PARD3: variants seen among roughly 807,000 people sequenced by gnomAD.
PARD3 encodes the protein par-3 family cell polarity regulator.
PARD3 carries 75 observed loss-of-function variants against 155.4 expected under a neutral mutation model. The observed-to-expected ratio is 0.48, with a 90% CI of 0.40 to 0.58. The LOEUF (loss-of-function observed/expected upper bound fraction) is 0.58, where lower values mean the gene tolerates loss of function less well. PARD3 is among the 20% of genes least tolerant of loss of function. The pLI, the probability that PARD3 is intolerant of heterozygous loss-of-function variation, is 0.00. For missense variants in PARD3, 1,642 were observed against 1,721.7 expected, an observed-to-expected ratio of 0.95 and a Z score of 0.82; for synonymous variants, 576 against 610.5, an observed-to-expected ratio of 0.94 and a Z score of 0.83.
intron 4 of PARD3, among the ~76,000 whole-genome samples, chr10:34,464,285 C>G (rs1232144986): frequency 1.3e-5 from 2 of 152,048 alleles, no homozygotes; most frequent in African/African-American, 2.4e-5. Flanking sequence ...AACCTTTAAG[C>G]TATCTAGTAA....
chr10:34,641,189 C>T (rs1002125849), intron 2 of PARD3, among the ~76,000 whole-genome samples: 2 of 152,172 alleles, frequency 1.3e-5, no homozygotes, highest in Non-Finnish European at 2.9e-5. Context: ...CACGAACACA[C>T]TTTATTTTAT....
At chr10:34,262,614 A>G (rs1955084213) in intron 22 of PARD3, among the ~76,000 whole-genome samples, 1 of 152,212 alleles carries the variant, frequency 6.6e-6, no homozygotes, top group South Asian at 2.1e-4. Flanking sequence ...CCTCTAAGAT[A>G]TAACTTGATG....
At chr10:34,521,239 T>C (rs2082126064) in intron 2 of PARD3, among the ~76,000 whole-genome samples, 1 of 152,104 alleles carries the variant, frequency 6.6e-6, no homozygotes. Flanking sequence ...AACATACAAT[T>C]GCACAGCTTT....
chr10:34,784,480 C>T (rs545781431), intron 1 of PARD3, among the ~76,000 whole-genome samples: 148 of 152,024 alleles, frequency 9.7e-4, no homozygotes, highest in African/African-American at 3.5e-3. Flanking sequence ...CACTCTGTCG[C>T]CCAGGCTGGA....
chr10:34,588,997 C>T (rs1229164293), intron 2 of PARD3, among the ~76,000 whole-genome samples: 1 of 152,108 alleles, frequency 6.6e-6, no homozygotes, highest in Non-Finnish European at 1.5e-5. Flanking sequence ...CTTTGGGAGG[C>T]CAAGACAGAA....
chr10:34,516,111 A>C (rs538942166), intron 3 of PARD3, among the ~76,000 whole-genome samples: 24 of 151,994 alleles, frequency 1.6e-4, no homozygotes, highest in Non-Finnish European at 1.6e-4. Flanking sequence ...ATTACAGGCA[A>C]CCGCCACCAC....
chr10:34,150,169 T>C (rs1588940350), intron 22 of PARD3, among the ~76,000 whole-genome samples: 1 of 152,170 alleles, frequency 6.6e-6, no homozygotes, highest in Non-Finnish European at 1.5e-5. Context: ...TAATATGAGA[T>C]GAGATACAAG....
intron 5 of PARD3, among the ~76,000 whole-genome samples, chr10:34,448,074 T>C (rs2076847600): frequency 6.6e-6 from 1 of 152,008 alleles, no homozygotes; most frequent in African/African-American, 2.4e-5. Context: ...AGCCAAGATA[T>C]GGAAACAACC....
At chr10:34,741,854 C>A (rs1171860323) in intron 1 of PARD3, among the ~76,000 whole-genome samples, 1 of 152,116 alleles carries the variant, frequency 6.6e-6, no homozygotes, top group South Asian at 2.1e-4. Context: ...TCAAAAAGAC[C>A]ATTACTGGTT....
At chr10:34,297,874 C>T (rs747521527) in intron 20 of PARD3, among the ~76,000 whole-genome samples, 5 of 152,182 alleles carry the variant, frequency 3.3e-5, no homozygotes, top group African/African-American at 9.7e-5. Flanking sequence ...AGGAAATGTA[C>T]CTATTCGGGA....
intron 2 of PARD3, among the ~76,000 whole-genome samples, chr10:34,623,322 T>C (rs1289839859): frequency 2.0e-5 from 3 of 152,154 alleles, no homozygotes; most frequent in Non-Finnish European, 4.4e-5. Flanking sequence ...TGCAGACAAG[T>C]ATTTATGCAC....
intron 2 of PARD3, 49 bp downstream of exon 2, chr10:34,696,269 C>CAAAAA: frequency 1.1e-6 from 1 of 947,170 alleles, no homozygotes; most frequent in African/African-American, 1.7e-5. Flanking sequence ...CCCTAGTCCT[C>CAAAAA]AAAAAAAAAA....
chr10:34,123,838 G>T (rs1479222553), intron 23 of PARD3, among the ~76,000 whole-genome samples: 1 of 152,036 alleles, frequency 6.6e-6, no homozygotes, highest in Non-Finnish European at 1.5e-5. Flanking sequence ...ATATTTAATA[G>T]ACAGTTAACA....
Position 34,110,607 on chromosome 10 carries a change from A to G in PARD3, c.*562T>C, listed in dbSNP as rs1946344424. 6.6e-6 allele frequency: 1 copy of G among 152,426 alleles called. No individual in the cohort carries two copies. Among genetic ancestry groups the G allele is most frequent in the Admixed American group, 6.5e-5 (1 of 15,302 alleles). 9.4% of individuals were successfully genotyped at this position (152,426 alleles called of 1,614,324 possible). On this transcript the variant is annotated 3_prime_UTR_variant, in exon 25 of 25. Transcript: ENST00000374788. ...GTTGGACTATGGCTTAGCTTCTGTA[A>G]TAGGATGACCGACTCTCCCGTCACA...
chr10:34,352,675 G>A (rs1356954029), intron 14 of PARD3, among the ~76,000 whole-genome samples: 2 of 152,230 alleles, frequency 1.3e-5, no homozygotes, highest in East Asian at 1.9e-4. Flanking sequence ...GGAGTGCAGT[G>A]GCGTGATCTC....
At chr10:34,275,178 CT>C (rs1392657329) in intron 21 of PARD3, among the ~76,000 whole-genome samples, 2 of 152,128 alleles carry the variant, frequency 1.3e-5, no homozygotes, top group Non-Finnish European at 2.9e-5. Flanking sequence ...GAAATACTGA[CT>C]TTTTTCAAGG....
At chr10:34,608,700 A>G (rs2090659101) in intron 2 of PARD3, among the ~76,000 whole-genome samples, 1 of 151,696 alleles carries the variant, frequency 6.6e-6, no homozygotes, top group South Asian at 2.1e-4. Flanking sequence ...ACGCTCGCCT[A>G]ATTTTGTATT....
chr10:34,269,686 C>A lies in PARD3; in HGVS notation c.3390G>T (p.Pro1130=), dbSNP rs201260920. The A allele has an allele frequency of 4.3e-6, 7 of 1,613,896 alleles. No homozygotes were observed. The African/African-American group carries it at 9.3e-5, about 22-fold the overall frequency. The change falls in exon 22 of 25, where the codon CCG becomes CCT. Residue 1130 remains proline, a synonymous_variant. Coordinates refer to ENST00000374788, the MANE Select transcript of PARD3 (RefSeq NM_001184785.2). ...MDALYAQVKK[P]RNSKPSPVDS... ...CTACAGGTGAGGGTTTGGAATTCCG[C>A]GGCTTCTTGACTTGGGCATACAAAG...
chr10:34,257,140 C>G (rs927388671), intron 22 of PARD3, among the ~76,000 whole-genome samples: 4 of 152,010 alleles, frequency 2.6e-5, no homozygotes, highest in African/African-American at 9.7e-5. Context: ...CTTAGGGTAC[C>G]CAAGGAAAAG....
Sources: allele counts gnomAD v4.1 joint callset (sites outside exome capture counted in the v4.1 genomes callset), GRCh38; gene constraint gnomAD v4.1.1; transcripts MANE v1.5; gene names NCBI Gene and HGNC (gene_info 2026-07-23, HGNC 2026-07-21).